PDIA4: variants seen among roughly 807,000 people sequenced by gnomAD.
The protein encoded by PDIA4 is protein disulfide-isomerase A4.
A neutral mutation model predicts 62.1 loss-of-function variants in PDIA4; 33 were observed. The observed-to-expected ratio is 0.53, with a 90% confidence interval of 0.40 to 0.71. The LOEUF is 0.71. Among genes scored for constraint, PDIA4 ranks in the 30% least tolerant of loss-of-function variants. PDIA4 has a pLI of 0.00. For synonymous variants in PDIA4, 341 were observed against 324.1 expected (o/e 1.05, Z -0.56); for missense variants, 804 against 813.6 (o/e 0.99, Z 0.14).
At chr7:149,006,183 G>C (rs1356613983) in intron 7 of PDIA4, 130 bp from the exon 8 acceptor site, 1 of 853,850 alleles carries the variant, frequency 1.2e-6, no homozygotes, top group African/African-American at 1.8e-5. Flanking sequence ...AAACACCCCA[G>C]GGCTCGACCC....
intron 1 of PDIA4, chr7:149,027,994 T>C (rs1267979611): frequency 5.5e-6 from 3 of 548,634 alleles, no homozygotes; most frequent in South Asian, 1.5e-5. Flanking sequence ...GACGAAAATC[T>C]GTAAATTAAG....
At chr7:149,017,661 AAT>A (rs1321555781) in intron 3 of PDIA4, among the ~76,000 whole-genome samples, 1 of 151,174 alleles carries the variant, frequency 6.6e-6, no homozygotes, top group African/African-American at 2.5e-5. Context: ...ATCAAAATAA[AAT>A]ACATTTTATC....
At position 149,024,562 on chromosome 7, in the gene PDIA4, C is replaced by T. The variant is rs375152443; in HGVS notation, c.89-3415G>A. Among the ~76,000 whole-genome samples, 12 of 152,018 alleles carry T rather than the reference C, an allele frequency of 7.9e-5. No homozygotes were observed. The South Asian group carries it at 1.5e-3, about 18-fold the overall frequency. The stretch of plus-strand genomic sequence containing the variant: ...CATGGTGGCTCATGCCTGTAATCCA[C>T]GTGCTCCTCTGGGAGGCTGAGACGG... On this transcript the variant is annotated intron_variant, in intron 1 of 9. Coordinates refer to ENST00000652332, the MANE Select transcript of PDIA4 (RefSeq NM_004911.5).
At chr7:149,015,157 A>T in intron 3 of PDIA4, 115 bp from the exon 4 acceptor site, 1 of 1,049,118 alleles carries the variant, frequency 9.5e-7, no homozygotes, top group Non-Finnish European at 1.4e-6. Flanking sequence ...CCACAAGAAC[A>T]GGAGGTGTCT....
At chr7:149,026,177 A>G (rs13247593) in intron 1 of PDIA4, among the ~76,000 whole-genome samples, 34,013 of 152,038 alleles carry the variant, frequency 0.22, 4,386 homozygotes, top group African/African-American at 0.35. Flanking sequence ...TTATCAGTGA[A>G]TCTATGACAG....
At position 149,012,174 on chromosome 7, in the gene PDIA4, G is replaced by A. The variant is rs150793763; in HGVS notation, c.801C>T (p.Asn267=). The A allele has an allele frequency of 4.8e-5, 78 of 1,613,996 alleles. No homozygotes were observed. The African/African-American group carries it at 5.9e-4, about 12-fold the overall frequency. ...CCATACCATATTTTTCTCGTGGGCC[G>A]TTGTAGTCATAAGGCCTTCCTTTGC... ...IFRKGRPYDY[N]GPREKYGIVD... The change falls in exon 5 of 10, where the codon AAC becomes AAT. Residue 267 remains asparagine, a synonymous_variant. Transcript: ENST00000652332.
chr7:149,019,488 G>A (rs770659084), intron 2 of PDIA4, among the ~76,000 whole-genome samples: 4 of 152,206 alleles, frequency 2.6e-5, no homozygotes, highest in Non-Finnish European at 4.4e-5. Flanking sequence ...GGCAGGCTGA[G>A]GCAGGTGTAT....
At chr7:149,008,609 G>T (rs557071128) in intron 6 of PDIA4, among the ~76,000 whole-genome samples, 1 of 151,874 alleles carries the variant, frequency 6.6e-6, no homozygotes, top group African/African-American at 2.4e-5. Context: ...AGGCTGAGGC[G>T]CAAGAATTGC....
chr7:149,013,138 C>T (rs1335923860), intron 4 of PDIA4, among the ~76,000 whole-genome samples: 1 of 152,120 alleles, frequency 6.6e-6, no homozygotes, highest in Non-Finnish European at 1.5e-5. Flanking sequence ...ATCCCAGCTA[C>T]TCGGGAGGCT....
In PDIA4 at chr7:149,005,849, G is replaced by A. The variant is rs540055801; in HGVS notation, c.1288+48C>T. On this transcript the variant is annotated intron_variant, in intron 8 of 9. Transcript: ENST00000652332. The stretch of plus-strand genomic sequence containing the variant: ...AACACTCCACCTTGCCTGAAAGAAC[G>A]AGTCCCCCCACCCCCCACCCCCGCA... 28 of 1,416,168 alleles carry A rather than the reference G, an allele frequency of 2.0e-5. No homozygotes were observed. In the South Asian group the frequency reaches 3.1e-4, roughly 16 times the overall value. 87.7% of individuals were successfully genotyped at this position (1,416,168 alleles called of 1,614,324 possible).
At position 149,005,270 on chromosome 7, in the gene PDIA4, G is replaced by A. The variant is rs35207074; in HGVS notation, c.1393C>T (p.Leu465=). The stretch of plus-strand genomic sequence containing the variant: ...TCCTCCCCACTCTCGCTGAGCCCCA[G>A]GTCCTTCACCTCCCCAGCATAGTCC... The part of the protein sequence containing the change: ...EEDYAGEVKD[L]GLSESGEDVN... The change falls in exon 9 of 10, where the codon CTG becomes TTG. Residue 465 remains leucine, a synonymous_variant. Transcript: ENST00000652332. 0.016 allele frequency: 25,316 copies of A among 1,614,066 alleles called. 251 individuals are homozygous for A. Among genetic ancestry groups the A allele is most frequent in the Non-Finnish European group, 0.019 (22,685 of 1,179,928 alleles).
intron 4 of PDIA4, 30 bp downstream of exon 4, chr7:149,014,874 G>T (rs1458059202): frequency 6.2e-7 from 1 of 1,611,192 alleles, no homozygotes; most frequent in South Asian, 1.1e-5. Flanking sequence ...CCAGGGTACT[G>T]AATATGGAAA....
At chr7:149,004,693 C>T (rs2129503716) in intron 9 of PDIA4, among the ~76,000 whole-genome samples, 1 of 152,324 alleles carries the variant, frequency 6.6e-6, no homozygotes, top group East Asian at 1.9e-4. Flanking sequence ...GCTCTGAAGC[C>T]ACAAGGGGTG....
At chr7:149,015,853 G>A (rs988047751) in intron 3 of PDIA4, among the ~76,000 whole-genome samples, 3 of 152,238 alleles carry the variant, frequency 2.0e-5, no homozygotes, top group Non-Finnish European at 4.4e-5. Context: ...ACACCCAGGG[G>A]TCCTGAGGCA....
At chr7:149,007,449 G>T (rs528636302) in intron 7 of PDIA4, among the ~76,000 whole-genome samples, 1 of 152,190 alleles carries the variant, frequency 6.6e-6, no homozygotes. Flanking sequence ...TCTGGGGTGG[G>T]GGGTAGAGCT....
At chr7:149,010,617 T>TGCCCA (rs1423192788) in intron 6 of PDIA4, among the ~76,000 whole-genome samples, 1 of 152,180 alleles carries the variant, frequency 6.6e-6, no homozygotes, top group Non-Finnish European at 1.5e-5. Context: ...CTTCACCTCC[T>TGCCCA]GCCCACCCCA....
At chr7:149,026,630 G>A (rs768355466) in intron 1 of PDIA4, among the ~76,000 whole-genome samples, 83 of 151,350 alleles carry the variant, frequency 5.5e-4, no homozygotes, top group Non-Finnish European at 1.0e-3. Context: ...CAGCCTGGGC[G>A]ACAGAGCCAG....
At chr7:149,014,489 GTCT>G (rs1277136236) in intron 4 of PDIA4, among the ~76,000 whole-genome samples, 1 of 152,050 alleles carries the variant, frequency 6.6e-6, no homozygotes, top group Admixed American at 6.6e-5. Context: ...CTTGAGAGCC[GTCT>G]TCTTCCGCTC....
intron 6 of PDIA4, among the ~76,000 whole-genome samples, chr7:149,010,513 T>C (rs573893490): frequency 2.6e-5 from 4 of 152,166 alleles, no homozygotes; most frequent in African/African-American, 9.6e-5. Flanking sequence ...TAAATAAGGC[T>C]ACAGCTATCT....
Sources: allele counts gnomAD v4.1 joint callset (sites outside exome capture counted in the v4.1 genomes callset), GRCh38; gene constraint gnomAD v4.1.1; transcripts MANE v1.5; gene names NCBI Gene and HGNC (gene_info 2026-07-23, HGNC 2026-07-21).